Variants in ANKRD39 observed in about 807,000 individuals in gnomAD.
The protein encoded by ANKRD39 is ankyrin repeat domain 39, also known as ankyrin repeat domain-containing protein 39.
ANKRD39 carries 18 observed loss-of-function variants against 20.3 expected under a neutral mutation model. The observed-to-expected ratio is 0.89, with a 90% CI of 0.61 to 1.32. The LOEUF is 1.32. Ranked by LOEUF, ANKRD39 falls within the 40% of genes most tolerant of loss-of-function variation. The pLI is 0.00. For synonymous variants in ANKRD39, 106 were observed against 111.9 expected (o/e 0.95, Z 0.33); for missense variants, 243 against 250.7 (o/e 0.97, Z 0.21).
chr2:96,852,386 CA>C (rs1232527949), intron 3 of ANKRD39, among the ~76,000 whole-genome samples: 1,345 of 45,660 alleles, frequency 0.029, 8 homozygotes, highest in African/African-American at 0.092. Flanking sequence ...GACCCTGTCT[CA>C]AAAAAAAAAA....
At position 96,848,437 on chromosome 2, in the gene ANKRD39, T is replaced by TGAG; in HGVS notation, c.415_416insCTC (p.Glu139delinsAlaGln). ...GGAGCAGATGTCCCCGTGACCCCTC[T>TGAG]CAGCAGCCTGTGGAGAGAAAGGCTG... On this transcript the variant is annotated protein_altering_variant, in exon 4 of 4. Transcript: ENST00000393537. 6.2e-7 allele frequency: 1 copy of TGAG among 1,613,980 alleles called. No individual in the cohort carries two copies. Among genetic ancestry groups the TGAG allele is most frequent in the Non-Finnish European group, 8.5e-7 (1 of 1,179,950 alleles).
chr2:96,855,218 A>T (rs1187161812), intron 1 of ANKRD39, among the ~76,000 whole-genome samples: 1 of 152,232 alleles, frequency 6.6e-6, no homozygotes, highest in African/African-American at 2.4e-5. Context: ...ACAACATTGA[A>T]GGTGTTCACA....
At chr2:96,854,832 C>T (rs1338877546) in intron 1 of ANKRD39, among the ~76,000 whole-genome samples, 1 of 152,206 alleles carries the variant, frequency 6.6e-6, no homozygotes, top group Non-Finnish European at 1.5e-5. Context: ...CCATGTTGGT[C>T]AGGCTGGCCT....
At chr2:96,853,337 A>C (rs2079846837) in intron 3 of ANKRD39, 64 bp downstream of exon 3, 1 of 1,502,320 alleles carries the variant, frequency 6.7e-7, no homozygotes, top group Admixed American at 2.0e-5. Context: ...CATGTTTTCT[A>C]CATGAACATG....
chr2:96,855,993 AAAC>A (rs932286356), intron 1 of ANKRD39, among the ~76,000 whole-genome samples: 76 of 147,512 alleles, frequency 5.2e-4, no homozygotes, highest in Non-Finnish European at 6.2e-4. Flanking sequence ...AACAACAACA[AAAC>A]AACAACAACA....
At chr2:96,848,495 GCT>G (rs1200748096) in intron 3 of ANKRD39, 51 bp from the exon 4 acceptor site, 9 of 1,604,692 alleles carry the variant, frequency 5.6e-6, no homozygotes, top group Non-Finnish European at 6.8e-6. Flanking sequence ...ACTGGGCTCT[GCT>G]CTCTCTTGTT....
chr2:96,853,463 G>A lies in ANKRD39; in HGVS notation c.346C>T (p.Leu116=). 1 of 1,600,890 alleles carries A rather than the reference G, an allele frequency of 6.2e-7. No homozygotes were observed. Among genetic ancestry groups the A allele is most frequent in the South Asian group, 1.1e-5 (1 of 88,868 alleles). Residue 116 remains leucine, a synonymous_variant, in exon 3 of 4, where the codon CTG becomes TTG. Transcript: ENST00000393537. ...CTGGGGTTGGACCCATGTGATAGCA[G>A]GAGCCGCGCGATTTCAGTGTGCCCG... ...YCGHTEIARL[L]LSHGSNPRVV...
At position 96,857,873 on chromosome 2, in the gene ANKRD39, G is replaced by A. The variant is rs2079873678; in HGVS notation, c.100+15C>T. ...GGGCCTGGTGAGAACCACGAGGGCC[G>A]CGCGGCAGCCTCACCCCTCTCGAAG... On this transcript the variant is annotated intron_variant, in intron 1 of 3. Transcript: ENST00000393537. 1 of 1,559,374 alleles carries A rather than the reference G, an allele frequency of 6.4e-7. No individual in the cohort carries two copies. Among genetic ancestry groups the A allele is most frequent in the Non-Finnish European group, 8.6e-7 (1 of 1,158,548 alleles).
In ANKRD39 at chr2:96,857,937, G is replaced by A. The variant is rs1414199642; in HGVS notation, c.51C>T (p.Ser17=). The A allele has an allele frequency of 6.3e-7, 1 of 1,582,272 alleles. No individual in the cohort carries two copies. The highest frequency in any genetic ancestry group is 8.5e-7 in the Non-Finnish European group (1 of 1,171,240). Residue 17 remains serine, a synonymous_variant, in exon 1 of 4, where the codon AGC becomes AGT. Transcript: ENST00000393537. Reference sequence around the variant, plus strand: ...GCGTCTGCTGTACGCCGAGCACCGCGCTGGGATGCGAGCAGCAGGGCCCGT... The same window carrying A: ...GCGTCTGCTGTACGCCGAGCACCGCACTGGGATGCGAGCAGCAGGGCCCGT... ...CADGPCCSHP[S]AVLGVQQTLE...
At chr2:96,854,660 G>A (rs1220399859) in intron 1 of ANKRD39, among the ~76,000 whole-genome samples, 1 of 152,208 alleles carries the variant, frequency 6.6e-6, no homozygotes, top group African/African-American at 2.4e-5. Flanking sequence ...AGTAGGACTG[G>A]GCGGACACAG....
chr2:96,856,196 G>A (rs1489291249), intron 1 of ANKRD39, among the ~76,000 whole-genome samples: 4 of 152,046 alleles, frequency 2.6e-5, no homozygotes, highest in Non-Finnish European at 5.9e-5. Context: ...GCAAGATGCC[G>A]GGTGCGGTGG....
At chr2:96,857,805 G>A (rs2079873125) in intron 1 of ANKRD39, 83 bp downstream of exon 1, 1 of 1,421,486 alleles carries the variant, frequency 7.0e-7, no homozygotes, top group Non-Finnish European at 9.5e-7. Flanking sequence ...TCGGGGCCCC[G>A]TTCATCCGCC....
At chr2:96,849,740 C>T (rs1039690709) in intron 3 of ANKRD39, among the ~76,000 whole-genome samples, 2 of 152,170 alleles carry the variant, frequency 1.3e-5, no homozygotes, top group African/African-American at 4.8e-5. Context: ...ATCCTCCCAC[C>T]TTGGCCTCCC....
chr2:96,854,036 A>C (rs1290303932), intron 2 of ANKRD39, among the ~76,000 whole-genome samples: 4 of 152,230 alleles, frequency 2.6e-5, no homozygotes, highest in African/African-American at 9.6e-5. Flanking sequence ...CTGAGGCAGG[A>C]GAATCGCTTG....
At chr2:96,850,393 G>A (rs913927139) in intron 3 of ANKRD39, among the ~76,000 whole-genome samples, 2 of 152,176 alleles carry the variant, frequency 1.3e-5, no homozygotes, top group Non-Finnish European at 2.9e-5. Flanking sequence ...GGCCAGGTGC[G>A]GTGGCTCACG....
intron 3 of ANKRD39, among the ~76,000 whole-genome samples, chr2:96,850,844 T>C (rs2079833194): frequency 6.6e-6 from 1 of 152,184 alleles, no homozygotes; most frequent in African/African-American, 2.4e-5. Flanking sequence ...TCATGTGAGT[T>C]GTAGCAGTAA....
At chr2:96,849,798 T>A (rs752801847) in intron 3 of ANKRD39, among the ~76,000 whole-genome samples, 2 of 152,158 alleles carry the variant, frequency 1.3e-5, no homozygotes, top group Non-Finnish European at 2.9e-5. Flanking sequence ...GCCAGGAAAC[T>A]TTTAGATTGG....
At chr2:96,849,101 C>T (rs538002483) in intron 3 of ANKRD39, among the ~76,000 whole-genome samples, 2 of 152,278 alleles carry the variant, frequency 1.3e-5, no homozygotes, top group African/African-American at 4.8e-5. Flanking sequence ...GCACCAGACA[C>T]GGCCCCTACC....
At chr2:96,849,903 C>G (rs1284002512) in intron 3 of ANKRD39, among the ~76,000 whole-genome samples, 4 of 152,154 alleles carry the variant, frequency 2.6e-5, no homozygotes, top group African/African-American at 2.4e-5. Flanking sequence ...CTACCTCCCC[C>G]CAAAAATAAT....
Sources: allele counts gnomAD v4.1 joint callset (sites outside exome capture counted in the v4.1 genomes callset), GRCh38; gene constraint gnomAD v4.1.1; transcripts MANE v1.5; gene names NCBI Gene and HGNC (gene_info 2026-07-23, HGNC 2026-07-21).